KHDRBS2: variants seen among roughly 807,000 people sequenced by gnomAD.
The protein encoded by KHDRBS2 is KH RNA binding domain containing, signal transduction associated 2, also known as KH domain-containing, RNA-binding, signal transduction-associated protein 2.
Under a neutral mutation model 44.3 loss-of-function variants are expected in KHDRBS2, and 26 were observed. The ratio of observed to expected loss-of-function variants is 0.59; its 90% CI spans 0.43 to 0.81. KHDRBS2 has a LOEUF of 0.81. Among genes scored for constraint, KHDRBS2 ranks in the 40% least tolerant of loss-of-function variants. The pLI is 0.00. For missense variants in KHDRBS2, 476 were observed against 433.1 expected, an observed-to-expected ratio of 1.10 and a Z score of -0.88; for synonymous variants, 194 against 151.1, an observed-to-expected ratio of 1.28 and a Z score of -2.08.
intron 2 of KHDRBS2, among the ~76,000 whole-genome samples, chr6:62,143,361 T>C (rs1219028632): frequency 1.3e-5 from 2 of 152,050 alleles, no homozygotes; most frequent in African/African-American, 4.8e-5. Flanking sequence ...TTTTATATTA[T>C]AGTAGATAAA....
At chr6:61,951,346 T>A (rs950590801) in intron 4 of KHDRBS2, among the ~76,000 whole-genome samples, 2 of 151,994 alleles carry the variant, frequency 1.3e-5, no homozygotes, top group Non-Finnish European at 2.9e-5. Context: ...TAAAATATAT[T>A]GGGCATGGGA....
At chr6:62,037,110 C>A (rs185579237) in intron 3 of KHDRBS2, among the ~76,000 whole-genome samples, 26 of 151,938 alleles carry the variant, frequency 1.7e-4, no homozygotes, top group African/African-American at 4.6e-4. Context: ...TAATAATAAT[C>A]ATCATAATAC....
intron 3 of KHDRBS2, among the ~76,000 whole-genome samples, chr6:62,021,924 GTA>G (rs10547508): frequency 0.61 from 89,536 of 145,802 alleles, 27,527 homozygotes; most frequent in Non-Finnish European, 0.62. Flanking sequence ...GGTTTTTTGT[GTA>G]TATATATATA....
chr6:62,101,374 G>C (rs921990121), intron 2 of KHDRBS2, among the ~76,000 whole-genome samples: 2 of 152,236 alleles, frequency 1.3e-5, no homozygotes, highest in Non-Finnish European at 1.5e-5. Context: ...TAACTGCAAG[G>C]TCTTGGATTT....
Position 61,954,858 on chromosome 6 carries a change from ATATACACATACATATGTG to A in KHDRBS2, c.483+23190_483+23207del, listed in dbSNP as rs1562514006. ...TATGTATGTATACATATGCATGTGT[ATATACACATACATATGTG>A]TATATATGTATATATACACATACAT... On this transcript the variant is annotated intron_variant, in intron 4 of 8. Coordinates refer to ENST00000281156, the MANE Select transcript of KHDRBS2 (RefSeq NM_152688.4). Among the ~76,000 whole-genome samples, 24 of 111,052 alleles carry A rather than the reference ATATACACATACATATGTG, an allele frequency of 2.2e-4. 2 individuals are homozygous for A. Among genetic ancestry groups the A allele is most frequent in the Middle Eastern group, 0.017 (1 of 60 alleles). The allele number at this position is 111,052 out of a possible 152,430, so 72.9% of individuals were successfully genotyped here.
chr6:61,840,987 A>T (rs1032757916), intron 6 of KHDRBS2, among the ~76,000 whole-genome samples: 9 of 152,296 alleles, frequency 5.9e-5, no homozygotes, highest in Middle Eastern at 3.4e-3. Flanking sequence ...ATTAAATTTG[A>T]GAGTTACAGT....
intron 1 of KHDRBS2, among the ~76,000 whole-genome samples, chr6:62,223,739 G>A (rs1408377565): frequency 6.6e-6 from 1 of 152,090 alleles, no homozygotes; most frequent in Non-Finnish European, 1.5e-5. Context: ...CAAATCTCTA[G>A]GGCAAGGGGA....
the KHDRBS2 span, among the ~76,000 whole-genome samples, chr6:61,608,802 T>C: frequency 1.3e-5 from 2 of 152,152 alleles, no homozygotes; most frequent in South Asian, 4.1e-4. Flanking sequence ...TATTCCATGG[T>C]GTATATGTGC....
intron 1 of KHDRBS2, among the ~76,000 whole-genome samples, chr6:62,220,412 G>T (rs1830715831): frequency 6.6e-6 from 1 of 151,770 alleles, no homozygotes; most frequent in Non-Finnish European, 1.5e-5. Flanking sequence ...ATATTTTGGT[G>T]GAAATTATAC....
At position 62,282,770 on chromosome 6, in the gene KHDRBS2, T is replaced by G. The variant is rs180726054; in HGVS notation, c.91+3088A>C. On this transcript the variant is annotated intron_variant, in intron 1 of 8. Coordinates refer to ENST00000281156, the MANE Select transcript of KHDRBS2 (RefSeq NM_152688.4). ...TCAAAAATGTGCAGCCATTGAATTT[T>G]TGTTCCGAATATACAAACATCACTT... Among the ~76,000 whole-genome samples, 99 of 152,292 alleles carry G rather than the reference T, an allele frequency of 6.5e-4. 1 individual carries two copies. Among genetic ancestry groups the G allele is most frequent in the African/African-American group, 2.3e-3 (96 of 41,574 alleles).
At chr6:61,720,977 A>G (rs1582386865) in intron 7 of KHDRBS2, among the ~76,000 whole-genome samples, 1 of 151,188 alleles carries the variant, frequency 6.6e-6, no homozygotes, top group South Asian at 2.1e-4. Context: ...GAAGGGATCC[A>G]GTTTCAGCTT....
At chr6:61,777,529 G>GA (rs1301398827) in intron 6 of KHDRBS2, among the ~76,000 whole-genome samples, 2 of 151,932 alleles carry the variant, frequency 1.3e-5, no homozygotes, top group African/African-American at 4.8e-5. Context: ...AAAACTTCTG[G>GA]AAAAAAATTT....
At chr6:61,848,563 G>GTATATATATACGTA (rs1562295318) in intron 6 of KHDRBS2, among the ~76,000 whole-genome samples, 26 of 22,130 alleles carry the variant, frequency 1.2e-3, no homozygotes, top group Non-Finnish European at 1.8e-3. Flanking sequence ...ATATATATAT[G>GTATATATATACGTA]TATATATATA....
the KHDRBS2 span, among the ~76,000 whole-genome samples, chr6:61,672,356 A>T: frequency 1.8e-4 from 27 of 151,992 alleles, no homozygotes; most frequent in Admixed American, 3.9e-4. Flanking sequence ...TTTGGGTATA[A>T]ACCCAGTAAT....
Position 62,039,179 on chromosome 6 carries a change from A to G in KHDRBS2, c.336+8699T>C, listed in dbSNP as rs1185612891. On this transcript the variant is annotated intron_variant, in intron 3 of 8. Transcript: ENST00000281156. ...CTCTAGATTTGTTTGCTATACAACT[A>G]TGGGTGTTTTATGTGTTGATCGGTG... Among the ~76,000 whole-genome samples, 3 of 151,806 alleles carry G rather than the reference A, an allele frequency of 2.0e-5. No homozygotes were observed. The East Asian group carries it at 5.8e-4, about 29-fold the overall frequency.
the KHDRBS2 span, among the ~76,000 whole-genome samples, chr6:61,559,693 C>A: frequency 3.4e-4 from 52 of 152,200 alleles, 1 homozygote; most frequent in African/African-American, 1.2e-3. Context: ...AGCAAATAGA[C>A]AACTTATAAA....
At chr6:62,115,011 A>G (rs1460605396) in intron 2 of KHDRBS2, among the ~76,000 whole-genome samples, 1 of 152,162 alleles carries the variant, frequency 6.6e-6, no homozygotes, top group African/African-American at 2.4e-5. Flanking sequence ...TTCTTATCTG[A>G]CTTTTGAAAC....
the KHDRBS2 span, among the ~76,000 whole-genome samples, chr6:61,573,502 G>A: frequency 6.6e-6 from 1 of 152,006 alleles, no homozygotes; most frequent in African/African-American, 2.4e-5. Flanking sequence ...AACCATAAAA[G>A]AGCCAAGCTG....
chr6:62,107,923 C>T (rs371517139), intron 2 of KHDRBS2, among the ~76,000 whole-genome samples: 12,176 of 152,088 alleles, frequency 0.08, 527 homozygotes, highest in African/African-American at 0.1. Context: ...CCCTTCCTTA[C>T]ACCTTATACA....
Sources: gnomAD v4.1 joint callset for allele counts (sites outside exome capture counted in the v4.1 genomes callset) on GRCh38, gnomAD v4.1.1 for gene constraint, MANE v1.5 for transcripts, NCBI Gene and HGNC (gene_info 2026-07-23, HGNC 2026-07-21) for gene names.